IKZF2: variants seen among roughly 807,000 people sequenced by gnomAD.
The protein encoded by IKZF2 is IKAROS family zinc finger 2, also known as zinc finger protein Helios.
Under a neutral mutation model 49.2 loss-of-function variants are expected in IKZF2, and 15 were observed. That is an observed-to-expected ratio of 0.30 (90% CI 0.20 to 0.47). IKZF2 has a LOEUF of 0.47. IKZF2 is among the 20% of genes least tolerant of loss of function. IKZF2 has a pLI of 1.00. For synonymous variants in IKZF2, 227 were observed against 221.4 expected, an observed-to-expected ratio of 1.03 and a Z score of -0.23; for missense variants, 567 against 664.6, an observed-to-expected ratio of 0.85 and a Z score of 1.61.
At chr2:213,075,938 C>T (rs917818263) in intron 4 of IKZF2, among the ~76,000 whole-genome samples, 3 of 152,126 alleles carry the variant, frequency 2.0e-5, no homozygotes, top group Non-Finnish European at 4.4e-5. Flanking sequence ...ACCACCACCA[C>T]ACTCTACCAA....
At chr2:213,050,391 C>T (rs1212101592) in intron 5 of IKZF2, among the ~76,000 whole-genome samples, 1 of 152,144 alleles carries the variant, frequency 6.6e-6, no homozygotes, top group East Asian at 1.9e-4. Flanking sequence ...TTTTACCATG[C>T]TATCTCTTTA....
chr2:213,044,543 C>T (rs1267615103), intron 6 of IKZF2, among the ~76,000 whole-genome samples: 5 of 152,176 alleles, frequency 3.3e-5, no homozygotes, highest in Non-Finnish European at 5.9e-5. Context: ...CAAATTGTCA[C>T]TGGTGGTAGC....
intron 8 of IKZF2, among the ~76,000 whole-genome samples, chr2:213,010,485 C>T (rs1320430553): frequency 6.6e-6 from 1 of 152,056 alleles, no homozygotes; most frequent in Non-Finnish European, 1.5e-5. Flanking sequence ...CACTCAGACC[C>T]CAGAATTCCT....
At chr2:213,086,191 T>C (rs1334960760) in intron 4 of IKZF2, among the ~76,000 whole-genome samples, 1 of 152,200 alleles carries the variant, frequency 6.6e-6, no homozygotes, top group Non-Finnish European at 1.5e-5. Flanking sequence ...TTCAGCAATA[T>C]TCAACAATAC....
rs549423954 is a variant in IKZF2, at chr2:213,123,761, CATAAT to C, written c.139+23942_139+23946del. Among the ~76,000 whole-genome samples the C allele has an allele frequency of 1.3e-3, 196 of 152,116 alleles. 1 individual carries two copies. The highest frequency in any genetic ancestry group is 4.6e-3 in the African/African-American group (190 of 41,502). ...CTGTTGGTACAAAGGTGGAAAAAGA[CATAAT>C]ATATATGTTAAGCACTACACCTAGA... is the stretch of plus-strand genomic sequence containing the variant. On this transcript the variant is annotated intron_variant, in intron 4 of 8. Coordinates refer to ENST00000434687, the MANE Select transcript of IKZF2 (RefSeq NM_001387220.1).
At chr2:213,152,316 G>A (rs2061305624), upstream of IKZF2, 1 of 152,272 alleles carries the variant, frequency 6.6e-6, no homozygotes, top group African/African-American at 2.4e-5. Context: ...CCCACCTACT[G>A]GTCTCCGCCG....
chr2:213,143,377 G>C (rs541463535), intron 4 of IKZF2, among the ~76,000 whole-genome samples: 19 of 152,062 alleles, frequency 1.2e-4, no homozygotes, highest in Non-Finnish European at 2.2e-4. Context: ...AGACTAAAAA[G>C]ATAGGGAGTT....
intron 2 of IKZF2, among the ~76,000 whole-genome samples, chr2:213,149,531 T>A (rs1279158221): frequency 6.6e-6 from 1 of 152,162 alleles, no homozygotes; most frequent in African/African-American, 2.4e-5. Context: ...TGACAAGTCC[T>A]GAGAAGATTT....
chr2:213,009,477 GCTTAA>G (rs1695710745), intron 8 of IKZF2, among the ~76,000 whole-genome samples: 1 of 152,016 alleles, frequency 6.6e-6, no homozygotes, highest in African/African-American at 2.4e-5. Context: ...GTGGATGGAT[GCTTAA>G]CTTGTAATTT....
At chr2:213,049,508 C>T (rs1280223860) in intron 6 of IKZF2, among the ~76,000 whole-genome samples, 3 of 152,034 alleles carry the variant, frequency 2.0e-5, no homozygotes, top group Non-Finnish European at 4.4e-5. Flanking sequence ...CTTCAGTTGA[C>T]AGTGCTCCTT....
At chr2:213,064,937 C>T (rs989898672) in intron 4 of IKZF2, among the ~76,000 whole-genome samples, 1 of 152,034 alleles carries the variant, frequency 6.6e-6, no homozygotes, top group African/African-American at 2.4e-5. Context: ...TAAATGTCTT[C>T]AAGAACTGCC....
intron 4 of IKZF2, among the ~76,000 whole-genome samples, chr2:213,146,196 TGA>T (rs1175501027): frequency 6.6e-6 from 1 of 152,104 alleles, no homozygotes. Context: ...GGAAATTGTG[TGA>T]GTTATCTGAG....
At chr2:213,056,776 GT>G in intron 5 of IKZF2, 56 bp downstream of exon 5, 1 of 1,591,444 alleles carries the variant, frequency 6.3e-7, no homozygotes, top group African/African-American at 1.3e-5. Flanking sequence ...TAGATGTCAG[GT>G]AATATCAACA....
chr2:213,013,622 T>A (rs766476090), intron 8 of IKZF2, among the ~76,000 whole-genome samples, 169 bp downstream of exon 8: 1 of 152,024 alleles, frequency 6.6e-6, no homozygotes, highest in Non-Finnish European at 1.5e-5. Context: ...TGTGTTGGTG[T>A]AAGTGTGGTG....
intron 6 of IKZF2, among the ~76,000 whole-genome samples, chr2:213,031,780 G>A (rs748387008): frequency 6.6e-6 from 1 of 152,138 alleles, no homozygotes; most frequent in Non-Finnish European, 1.5e-5. Flanking sequence ...ATAAATGGAA[G>A]TAGATGCTTA....
At chr2:213,124,248 GCGCGCA>G (rs1296584223) in intron 4 of IKZF2, among the ~76,000 whole-genome samples, 2 of 115,494 alleles carry the variant, frequency 1.7e-5, no homozygotes, top group Admixed American at 8.3e-5. Flanking sequence ...GCTCGCGCGC[GCGCGCA>G]CACACACACA....
intron 6 of IKZF2, among the ~76,000 whole-genome samples, chr2:213,025,075 T>C (rs6435753): frequency 0.55 from 83,042 of 151,818 alleles, 23,436 homozygotes; most frequent in East Asian, 0.8. Flanking sequence ...TCTGAATCAC[T>C]AAATCCATAG....
At chr2:213,027,614 T>C (rs1311378342) in intron 6 of IKZF2, among the ~76,000 whole-genome samples, 8 of 151,850 alleles carry the variant, frequency 5.3e-5, no homozygotes, top group Admixed American at 3.9e-4. Context: ...AACTTTCCTT[T>C]GTCCCCCTCA....
At chr2:213,066,183 G>A (rs1312776560) in intron 4 of IKZF2, among the ~76,000 whole-genome samples, 1 of 152,072 alleles carries the variant, frequency 6.6e-6, no homozygotes, top group Admixed American at 6.6e-5. Context: ...ATCCAGCTGA[G>A]TGGGTATGTT....
Sources: gnomAD v4.1 joint callset for allele counts (sites outside exome capture counted in the v4.1 genomes callset) on GRCh38, gnomAD v4.1.1 for gene constraint, MANE v1.5 for transcripts, NCBI Gene and HGNC (gene_info 2026-07-23, HGNC 2026-07-21) for gene names.